Variants in WDPCP observed in about 807,000 individuals in gnomAD.
WDPCP encodes the protein WD repeat-containing and planar cell polarity effector protein fritz homolog.
A neutral mutation model predicts 93.1 loss-of-function variants in WDPCP; 71 were observed. The observed-to-expected ratio is 0.76, with a 90% CI of 0.63 to 0.93. The LOEUF is 0.93. Ranked by LOEUF, WDPCP falls within the 40% of genes least tolerant of loss-of-function variation. The pLI is 0.00. For missense variants in WDPCP, 844 were observed against 887.4 expected (o/e 0.95, Z 0.62); for synonymous variants, 315 against 315.0 (o/e 1.00, Z 0.00).
chr2:63,463,062 G>C (rs956030765), intron 6 of WDPCP, among the ~76,000 whole-genome samples: 1 of 151,218 alleles, frequency 6.6e-6, no homozygotes, highest in African/African-American at 2.4e-5. Context: ...AGATGGTTCA[G>C]AATTGGGCCT....
At chr2:63,208,995 G>C (rs1676547874) in intron 14 of WDPCP, among the ~76,000 whole-genome samples, 1 of 152,296 alleles carries the variant, frequency 6.6e-6, no homozygotes, top group South Asian at 2.1e-4. Flanking sequence ...GGCAAGGGTT[G>C]TATCTGGCTG....
chr2:63,258,486 CA>C (rs1681332177), intron 14 of WDPCP, among the ~76,000 whole-genome samples: 1 of 152,144 alleles, frequency 6.6e-6, no homozygotes, highest in Non-Finnish European at 1.5e-5. Context: ...ATTACAAAAA[CA>C]AAGCACAAGA....
chr2:63,148,639 C>A (rs1345229589), intron 17 of WDPCP, among the ~76,000 whole-genome samples: 1 of 151,526 alleles, frequency 6.6e-6, no homozygotes, highest in African/African-American at 2.4e-5. Context: ...TGAACCACTA[C>A]TCCTGGCTGA....
chr2:63,552,040 C>G lies in WDPCP; in HGVS notation c.75+36157G>C, dbSNP rs184996073. On this transcript the variant is annotated intron_variant, in intron 1 of 17. Coordinates refer to ENST00000272321, the MANE Select transcript of WDPCP (RefSeq NM_015910.7). ...CTCCTGGGCTCAAGTGATCTTCCTA[C>G]CTCAGCTTCCTAAGGTTCTGGATTT... 4.8e-5 allele frequency among the ~76,000 whole-genome samples: 3 copies of G among 62,290 alleles called. No homozygotes were observed. The South Asian group carries it at 1.8e-3, about 38-fold the overall frequency. 40.9% of individuals were successfully genotyped at this position (62,290 alleles called of 152,430 possible). A position where few individuals can be genotyped will look rare whatever the true frequency, so the allele number is the denominator to read the frequency against.
intron 14 of WDPCP, among the ~76,000 whole-genome samples, chr2:63,250,854 C>A (rs946307481): frequency 6.6e-6 from 1 of 152,088 alleles, no homozygotes; most frequent in Non-Finnish European, 1.5e-5. Flanking sequence ...TTAAGGAGTT[C>A]AATCTGGGAA....
chr2:63,325,088 C>T (rs1375640023), intron 12 of WDPCP, among the ~76,000 whole-genome samples: 2 of 152,134 alleles, frequency 1.3e-5, no homozygotes, highest in African/African-American at 4.8e-5. Context: ...TTAAACCTGG[C>T]AACCTCGGGG....
intron 3 of WDPCP, chr2:63,605,958 G>A (rs1200602423): frequency 1.9e-5 from 31 of 1,613,930 alleles, no homozygotes; most frequent in Non-Finnish European, 2.4e-5. Context: ...GTGTCCATGG[G>A]TGTTATCTCT....
intron 10 of WDPCP, among the ~76,000 whole-genome samples, chr2:63,385,786 T>C (rs1692682698): frequency 1.3e-5 from 2 of 152,002 alleles, no homozygotes; most frequent in South Asian, 2.1e-4. Context: ...GGATCTAGAA[T>C]AGTCAAAATA....
In WDPCP at chr2:63,215,360, G is replaced by T. The variant is rs1196860139; in HGVS notation, c.1916-40528C>A. On this transcript the variant is annotated intron_variant, in intron 14 of 17. Coordinates refer to ENST00000272321, the MANE Select transcript of WDPCP (RefSeq NM_015910.7). Reference sequence around the variant, plus strand: ...AGCATGGTGCTGGTACCAAAACAGAGATATAGAACAATGGAACAGAACAGA... The same window carrying T: ...AGCATGGTGCTGGTACCAAAACAGATATATAGAACAATGGAACAGAACAGA... 2.0e-5 allele frequency among the ~76,000 whole-genome samples: 3 copies of T among 152,220 alleles called. No individual in the cohort carries two copies. The South Asian group carries it at 6.2e-4, about 32-fold the overall frequency.
chr2:63,618,607 T>C (rs1709697997), intron 3 of WDPCP, among the ~76,000 whole-genome samples: 1 of 152,180 alleles, frequency 6.6e-6, no homozygotes, highest in African/African-American at 2.4e-5. Context: ...CTGCATGCCC[T>C]TGGTTCACTT....
intron 2 of WDPCP, among the ~76,000 whole-genome samples, chr2:63,694,567 C>A (rs1165621560): frequency 2.6e-5 from 4 of 152,008 alleles, no homozygotes. Context: ...TATTTTATTA[C>A]CATTCATCAA....
chr2:63,338,566 AAAAATATATATATATATATATATAT>A lies in WDPCP; in HGVS notation c.1749-25280_1749-25256del, dbSNP rs1276078217. ...AAACTCCATCTAAAAAAAAAAAAAAAAAAATATATATATATATATATATATATATATATATATATATATATATATA... is the reference window on the plus strand; with the variant it reads ...AAACTCCATCTAAAAAAAAAAAAAAAATATATATATATATATATATATATA... On this transcript the variant is annotated intron_variant, in intron 12 of 17. Coordinates refer to ENST00000272321, the MANE Select transcript of WDPCP (RefSeq NM_015910.7). 9.5e-3 allele frequency among the ~76,000 whole-genome samples: 94 copies of A among 9,918 alleles called. 3 individuals are homozygous for A. The highest frequency in any genetic ancestry group is 0.083 in the African/African-American group (74 of 892). 6.5% of individuals were successfully genotyped at this position (9,918 alleles called of 152,430 possible).
intron 1 of WDPCP, among the ~76,000 whole-genome samples, chr2:63,536,773 C>CTTTTTTTG (rs768559658): frequency 7.5e-5 from 7 of 93,636 alleles, no homozygotes; most frequent in African/African-American, 3.2e-4. Context: ...ATTCTTCATG[C>CTTTTTTTG]TTTTTTTTTT....
chr2:63,450,621 A>C (rs1698175818), intron 6 of WDPCP, among the ~76,000 whole-genome samples: 1 of 152,080 alleles, frequency 6.6e-6, no homozygotes, highest in Non-Finnish European at 1.5e-5. Flanking sequence ...CACCACTACT[A>C]CCACTGGGGC....
chr2:63,665,161 A>G (rs377286386), intron 2 of WDPCP, among the ~76,000 whole-genome samples: 7 of 152,236 alleles, frequency 4.6e-5, no homozygotes, highest in East Asian at 3.8e-4. Context: ...GTAACAAACT[A>G]TCACAAACTG....
intron 2 of WDPCP, among the ~76,000 whole-genome samples, chr2:63,702,003 A>C (rs1427104138): frequency 6.6e-6 from 1 of 152,180 alleles, no homozygotes; most frequent in Non-Finnish European, 1.5e-5. Context: ...AGAATAATTC[A>C]ATTGTTCCTA....
intron 2 of WDPCP, among the ~76,000 whole-genome samples, chr2:63,772,052 G>A (rs964703130): frequency 6.6e-6 from 1 of 151,556 alleles, no homozygotes; most frequent in African/African-American, 2.4e-5. Flanking sequence ...TTTTTCTTTG[G>A]GTATATACCC....
chr2:63,353,827 G>A lies in WDPCP; in HGVS notation c.1748+24559C>T, dbSNP rs567625652. Among the ~76,000 whole-genome samples the A allele has an allele frequency of 4.7e-4, 71 of 152,226 alleles. 1 individual carries two copies. The highest frequency in any genetic ancestry group is 3.4e-3 in the Middle Eastern group (1 of 294). On this transcript the variant is annotated intron_variant, in intron 12 of 17. Transcript: ENST00000272321. ...GATACCTCCAGGTACTGGAAAATCCGAAGTGACAAGGGACGGGAGCAGGCC... is the reference window on the plus strand; with the variant it reads ...GATACCTCCAGGTACTGGAAAATCCAAAGTGACAAGGGACGGGAGCAGGCC...
intron 2 of WDPCP, among the ~76,000 whole-genome samples, chr2:63,792,071 T>C (rs1203774723): frequency 6.6e-6 from 1 of 152,106 alleles, no homozygotes; most frequent in Non-Finnish European, 1.5e-5. Flanking sequence ...GGTGATGACA[T>C]GAAAAAGAAT....
Sources: allele counts gnomAD v4.1 joint callset (sites outside exome capture counted in the v4.1 genomes callset), GRCh38; gene constraint gnomAD v4.1.1; transcripts MANE v1.5; gene names NCBI Gene and HGNC (gene_info 2026-07-23, HGNC 2026-07-21).